CCDC102B: variants seen among roughly 807,000 people sequenced by gnomAD.
CCDC102B encodes coiled-coil domain containing 102B.
CCDC102B carries 75 observed loss-of-function variants against 57.4 expected under a neutral mutation model. That is an observed-to-expected ratio of 1.31 (90% CI 1.08 to 1.58). The LOEUF (loss-of-function observed/expected upper bound fraction) is 1.58. CCDC102B is among the 40% of genes most tolerant of loss of function. The probability of loss-of-function intolerance (pLI) is 0.00; values close to 1 mark genes in which losing one functional copy is unlikely to be tolerated. For synonymous variants in CCDC102B, 206 were observed against 201.9 expected (o/e 1.02, Z -0.17); for missense variants, 636 against 582.6 (o/e 1.09, Z -0.94).
At chr18:68,852,464 A>T (rs1184838915) in intron 4 of CCDC102B, among the ~76,000 whole-genome samples, 2 of 152,162 alleles carry the variant, frequency 1.3e-5, no homozygotes, top group Non-Finnish European at 2.9e-5. Flanking sequence ...CCTCTCATAT[A>T]CTTACATCAC....
chr18:69,012,985 A>T (rs2051559755), intron 7 of CCDC102B, among the ~76,000 whole-genome samples: 1 of 152,134 alleles, frequency 6.6e-6, no homozygotes, highest in Non-Finnish European at 1.5e-5. Context: ...CTGAAAATGG[A>T]ACTATTATTT....
At chr18:68,792,919 A>T (rs1476069159) in intron 2 of CCDC102B, among the ~76,000 whole-genome samples, 1 of 152,236 alleles carries the variant, frequency 6.6e-6, no homozygotes. Flanking sequence ...GGACATTGAG[A>T]GACAATTATT....
At chr18:68,772,532 T>G (rs1312918053) in intron 2 of CCDC102B, among the ~76,000 whole-genome samples, 1 of 152,174 alleles carries the variant, frequency 6.6e-6, no homozygotes, top group Non-Finnish European at 1.5e-5. Context: ...CTTTGAACTT[T>G]ACAGGTTTGG....
At chr18:68,923,674 T>C (rs1255271739) in intron 6 of CCDC102B, among the ~76,000 whole-genome samples, 1 of 151,980 alleles carries the variant, frequency 6.6e-6, no homozygotes, top group Non-Finnish European at 1.5e-5. Flanking sequence ...TGTTTGAATA[T>C]TGCCTTCCTG....
At chr18:68,756,612 A>G (rs1462396453) in intron 2 of CCDC102B, among the ~76,000 whole-genome samples, 1 of 152,146 alleles carries the variant, frequency 6.6e-6, no homozygotes, top group African/African-American at 2.4e-5. Flanking sequence ...TGTAATCTTT[A>G]TGTCTAAATG....
rs988982807 is a variant in CCDC102B, at chr18:68,733,506, A to T, written c.-67+16912A>T. Among the ~76,000 whole-genome samples the T allele has an allele frequency of 9.4e-3, 821 of 87,620 alleles. 20 individuals are homozygous for T. Among genetic ancestry groups the T allele is most frequent in the African/African-American group, 0.042 (763 of 18,182 alleles). The allele number at this position is 87,620 out of a possible 152,430, so 57.5% of individuals were successfully genotyped here. A position where few individuals can be genotyped will look rare whatever the true frequency, so the allele number is the denominator to read the frequency against. Reference sequence around the variant, plus strand: ...TATATATATATATATATATATATATATTTTTTTAACTTAAGCATGCTTTAA... The same window carrying T: ...TATATATATATATATATATATATATTTTTTTTTAACTTAAGCATGCTTTAA... On this transcript the variant is annotated intron_variant, in intron 2 of 3. Transcript: ENST00000578970.
At chr18:69,006,297 G>A (rs907031818) in intron 6 of CCDC102B, among the ~76,000 whole-genome samples, 5 of 152,000 alleles carry the variant, frequency 3.3e-5, no homozygotes, top group African/African-American at 4.8e-5. Context: ...TAACACGTAC[G>A]GAAAGAACAA....
At chr18:68,823,790 T>C (rs1010306472) in intron 1 of CCDC102B, among the ~76,000 whole-genome samples, 1 of 152,184 alleles carries the variant, frequency 6.6e-6, no homozygotes, top group Admixed American at 6.5e-5. Context: ...TTTCGATTTG[T>C]ATTTCCCTGA....
intron 5 of CCDC102B, among the ~76,000 whole-genome samples, chr18:68,878,010 G>C (rs1278406539): frequency 1.3e-5 from 2 of 152,124 alleles, no homozygotes; most frequent in Non-Finnish European, 2.9e-5. Context: ...CTTTCTATGA[G>C]GTCGAAAGTA....
chr18:68,988,220 G>A (rs1227474668), intron 6 of CCDC102B, among the ~76,000 whole-genome samples: 23 of 150,110 alleles, frequency 1.5e-4, no homozygotes, highest in African/African-American at 5.4e-4. Flanking sequence ...CCATAAAAGG[G>A]AAAAAAAAAC....
At chr18:68,793,986 G>A (rs1293603030), upstream of CCDC102B, among the ~76,000 whole-genome samples, 1 of 152,130 alleles carries the variant, frequency 6.6e-6, no homozygotes, top group Non-Finnish European at 1.5e-5. Flanking sequence ...TAAGAATCTA[G>A]AGTAAATCAG....
intron 6 of CCDC102B, among the ~76,000 whole-genome samples, chr18:68,938,007 A>G (rs747580573): frequency 2.8e-4 from 43 of 152,098 alleles, no homozygotes; most frequent in Middle Eastern, 3.4e-3. Flanking sequence ...CAGTCTATCA[A>G]TGGTGGACAT....
intron 6 of CCDC102B, among the ~76,000 whole-genome samples, chr18:68,961,757 T>G (rs1000135694): frequency 3.3e-5 from 5 of 152,042 alleles, no homozygotes; most frequent in Non-Finnish European, 5.9e-5. Context: ...AATTATGTAT[T>G]TGCTCATATA....
intron 7 of CCDC102B, among the ~76,000 whole-genome samples, chr18:69,027,448 T>C (rs1406053055): frequency 6.6e-6 from 1 of 152,246 alleles, no homozygotes; most frequent in Non-Finnish European, 1.5e-5. Context: ...CCAATTTGTA[T>C]CCTGTCAACA....
intron 6 of CCDC102B, among the ~76,000 whole-genome samples, chr18:68,966,771 C>A (rs894088579): frequency 6.6e-6 from 1 of 152,100 alleles, no homozygotes; most frequent in African/African-American, 2.4e-5. Flanking sequence ...GAGTAGTAGT[C>A]TTCTCAAGAG....
chr18:68,929,761 G>T (rs907517851), intron 6 of CCDC102B, among the ~76,000 whole-genome samples: 1 of 151,596 alleles, frequency 6.6e-6, no homozygotes. Context: ...AGGAAGAAGA[G>T]GAATATATGG....
chr18:68,964,338 T>C (rs540262503), intron 6 of CCDC102B, among the ~76,000 whole-genome samples: 2 of 151,882 alleles, frequency 1.3e-5, no homozygotes, highest in African/African-American at 4.8e-5. Context: ...CTCAGTTTAA[T>C]ATTTTATGAA....
At chr18:68,968,764 A>G (rs1218653233) in intron 6 of CCDC102B, among the ~76,000 whole-genome samples, 1 of 152,134 alleles carries the variant, frequency 6.6e-6, no homozygotes, top group Non-Finnish European at 1.5e-5. Context: ...TGACTATTTT[A>G]TACGCCTCAC....
intron 3 of CCDC102B, among the ~76,000 whole-genome samples, chr18:68,846,039 T>G (rs2037840534): frequency 6.6e-6 from 1 of 151,676 alleles, no homozygotes; most frequent in Admixed American, 6.6e-5. Flanking sequence ...GAGGCAAGCA[T>G]GAAATACACA....
Sources: gnomAD v4.1 joint callset for allele counts (sites outside exome capture counted in the v4.1 genomes callset) on GRCh38, gnomAD v4.1.1 for gene constraint, MANE v1.5 for transcripts, NCBI Gene and HGNC (gene_info 2026-07-23, HGNC 2026-07-21) for gene names.